Variants in FARS2 observed in about 807,000 individuals in gnomAD.
The protein encoded by FARS2 is phenylalanine--tRNA ligase, mitochondrial.
A neutral mutation model predicts 46.4 loss-of-function variants in FARS2; 40 were observed. That is an observed-to-expected ratio of 0.86 (90% CI 0.67 to 1.12). The LOEUF (loss-of-function observed/expected upper bound fraction) is 1.12. Ranked by LOEUF, FARS2 falls within the 50% of genes most tolerant of loss-of-function variation. The pLI is 0.00. For missense variants in FARS2, 513 were observed against 567.9 expected, an observed-to-expected ratio of 0.90 and a Z score of 0.98; for synonymous variants, 234 against 214.9, an observed-to-expected ratio of 1.09 and a Z score of -0.78.
At chr6:5,449,925 A>T (rs1764389983) in intron 4 of FARS2, among the ~76,000 whole-genome samples, 1 of 152,230 alleles carries the variant, frequency 6.6e-6, no homozygotes, top group Non-Finnish European at 1.5e-5. Flanking sequence ...TGTGGGATTG[A>T]TTCCAGGACT....
At chr6:5,546,012 C>T (rs1285485137) in intron 5 of FARS2, among the ~76,000 whole-genome samples, 1 of 151,940 alleles carries the variant, frequency 6.6e-6, no homozygotes, top group Non-Finnish European at 1.5e-5. Context: ...CCTGTAGTCC[C>T]AGCTACTTGG....
At chr6:5,741,776 G>A (rs1761357987) in intron 6 of FARS2, among the ~76,000 whole-genome samples, 1 of 152,122 alleles carries the variant, frequency 6.6e-6, no homozygotes, top group African/African-American at 2.4e-5. Flanking sequence ...TCAGCCTCCT[G>A]AGCAGCTGGG....
At chr6:5,339,841 A>G (rs1443886607) in intron 1 of FARS2, among the ~76,000 whole-genome samples, 1 of 152,190 alleles carries the variant, frequency 6.6e-6, no homozygotes, top group Admixed American at 6.5e-5. Context: ...TTATAATCTT[A>G]CATTCCTTTC....
intron 4 of FARS2, among the ~76,000 whole-genome samples, chr6:5,498,217 A>C (rs998855806): frequency 1.3e-5 from 2 of 152,240 alleles, no homozygotes; most frequent in Non-Finnish European, 2.9e-5. Flanking sequence ...CTAAATTGGA[A>C]ACACATCCTC....
intron 6 of FARS2, among the ~76,000 whole-genome samples, chr6:5,718,416 G>T (rs921225035): frequency 2.6e-5 from 4 of 152,182 alleles, no homozygotes; most frequent in African/African-American, 9.7e-5. Context: ...ACTTGTTACT[G>T]TATACCCTTT....
chr6:5,325,682 CT>C (rs1327040513), intron 1 of FARS2, among the ~76,000 whole-genome samples: 1 of 152,144 alleles, frequency 6.6e-6, no homozygotes, highest in Non-Finnish European at 1.5e-5. Context: ...TATGAACATG[CT>C]TCAATTTATC....
intron 5 of FARS2, among the ~76,000 whole-genome samples, chr6:5,581,008 G>A (rs530214344): frequency 3.0e-4 from 46 of 152,352 alleles, no homozygotes; most frequent in African/African-American, 1.0e-3. Flanking sequence ...TAAGAATTTG[G>A]AATTCACAGC....
At chr6:5,440,183 A>G (rs1763759486) in intron 4 of FARS2, among the ~76,000 whole-genome samples, 1 of 152,238 alleles carries the variant, frequency 6.6e-6, no homozygotes, top group African/African-American at 2.4e-5. Flanking sequence ...TCTTTATAAA[A>G]TTTAATTCCT....
At chr6:5,548,696 G>A (rs1445843228) in intron 5 of FARS2, among the ~76,000 whole-genome samples, 1 of 152,194 alleles carries the variant, frequency 6.6e-6, no homozygotes, top group African/African-American at 2.4e-5. Context: ...TCAATTTTAA[G>A]TGTACTTACA....
intron 3 of FARS2, among the ~76,000 whole-genome samples, chr6:5,415,395 A>C (rs144917797): frequency 7.5e-6 from 1 of 133,228 alleles, no homozygotes. Flanking sequence ...GCTCACTGCA[A>C]CCTCCACCTC....
intron 6 of FARS2, among the ~76,000 whole-genome samples, chr6:5,718,389 G>C (rs73362302): frequency 1.3e-5 from 2 of 152,182 alleles, no homozygotes; most frequent in Non-Finnish European, 2.9e-5. Context: ...AGTAGTTGTT[G>C]AGTAAATGAA....
chr6:5,283,141 G>A (rs1451052531), intron 1 of FARS2, among the ~76,000 whole-genome samples: 1 of 152,102 alleles, frequency 6.6e-6, no homozygotes, highest in Non-Finnish European at 1.5e-5. Context: ...GGGAGGCTGA[G>A]ACAGGCAGAT....
At chr6:5,260,990 C>T, upstream of FARS2, 5 of 1,132,606 alleles carry the variant, frequency 4.4e-6, no homozygotes, top group South Asian at 9.6e-5. Context: ...GAGATGCCTC[C>T]GCCCCGCCCC....
At chr6:5,711,797 C>CCCCTG (rs1329127242) in intron 6 of FARS2, among the ~76,000 whole-genome samples, 21 of 152,122 alleles carry the variant, frequency 1.4e-4, no homozygotes, top group Non-Finnish European at 3.1e-4. Flanking sequence ...AGTGTGGGAT[C>CCCCTG]CTGGACAGGA....
At chr6:5,338,757 C>T (rs1683174487) in intron 1 of FARS2, among the ~76,000 whole-genome samples, 1 of 152,116 alleles carries the variant, frequency 6.6e-6, no homozygotes, top group South Asian at 2.1e-4. Flanking sequence ...ATGGCTATAT[C>T]ACATTCTCCG....
chr6:5,768,595 A>G (rs1762866837), intron 6 of FARS2, among the ~76,000 whole-genome samples: 1 of 152,212 alleles, frequency 6.6e-6, no homozygotes, highest in Non-Finnish European at 1.5e-5. Flanking sequence ...GAGTCCTGTC[A>G]ATTTCTAAAC....
intron 4 of FARS2, among the ~76,000 whole-genome samples, chr6:5,512,163 C>CA (rs981847028): frequency 2.6e-5 from 4 of 151,766 alleles, no homozygotes; most frequent in African/African-American, 9.7e-5. Context: ...CCAACTAAAG[C>CA]AAAAAAAGGA....
chr6:5,302,598 A>C (rs1768398687), intron 1 of FARS2, among the ~76,000 whole-genome samples: 1 of 152,144 alleles, frequency 6.6e-6, no homozygotes, highest in African/African-American at 2.4e-5. Context: ...ACAGATGGGG[A>C]GATGAGGCAC....
At chr6:5,362,842 AT>A (rs1040873724) in intron 1 of FARS2, among the ~76,000 whole-genome samples, 51 of 146,790 alleles carry the variant, frequency 3.5e-4, no homozygotes, top group Non-Finnish European at 5.3e-4. Flanking sequence ...GATTTTGAGG[AT>A]TTTTTTTCAC....
Sources: gnomAD v4.1 joint callset for allele counts (sites outside exome capture counted in the v4.1 genomes callset) on GRCh38, gnomAD v4.1.1 for gene constraint, MANE v1.5 for transcripts, NCBI Gene and HGNC (gene_info 2026-07-23, HGNC 2026-07-21) for gene names.